Variants in C2CD2 observed in about 807,000 individuals in gnomAD.
C2CD2 encodes C2 calcium dependent domain containing 2.
C2CD2 carries 43 observed loss-of-function variants against 74.3 expected under a neutral mutation model. The ratio of observed to expected loss-of-function variants is 0.58; its 90% CI spans 0.45 to 0.75. The LOEUF is 0.75. Among genes scored for constraint, C2CD2 ranks in the 30% least tolerant of loss-of-function variants. The pLI, the probability that C2CD2 is intolerant of heterozygous loss-of-function variation, is 0.00. For synonymous variants in C2CD2, 422 were observed against 390.7 expected, an observed-to-expected ratio of 1.08 and a Z score of -0.94; for missense variants, 801 against 916.3, an observed-to-expected ratio of 0.87 and a Z score of 1.63.
At position 41,918,168 on chromosome 21, in the gene C2CD2, C is replaced by G; in HGVS notation, c.657G>C (p.Leu219Phe). The G allele has an allele frequency of 1.2e-6, 2 of 1,614,134 alleles. No homozygotes were observed. The highest frequency in any genetic ancestry group is 1.7e-6 in the Non-Finnish European group (2 of 1,179,998). The stretch of plus-strand genomic sequence containing the variant: ...CCACTGATGGAGAGGCAGAACCAGC[C>G]AAATGCTTCAAGATGTCCTTGAGAA... ...SDVLKDILKH[L>F]AGSASPSVVL... The change falls in exon 5 of 14, where the codon TTG becomes TTC. Residue 219 changes from leucine to phenylalanine, a missense_variant. Coordinates refer to ENST00000380486, the MANE Select transcript of C2CD2 (RefSeq NM_015500.2).
intron 6 of C2CD2, among the ~76,000 whole-genome samples, chr21:41,913,782 G>A (rs1284272273): frequency 6.6e-6 from 1 of 152,154 alleles, no homozygotes; most frequent in African/African-American, 2.4e-5. Flanking sequence ...GCCCTGTCCC[G>A]AGTGACTCTG....
intron 1 of C2CD2, among the ~76,000 whole-genome samples, chr21:41,952,452 G>A (rs1346106066): frequency 6.6e-6 from 1 of 152,254 alleles, no homozygotes; most frequent in Non-Finnish European, 1.5e-5. Context: ...GCACAGGCAT[G>A]TGCAGGAAAC....
chr21:41,916,965 G>T (rs1029527670), intron 5 of C2CD2, among the ~76,000 whole-genome samples: 1 of 152,170 alleles, frequency 6.6e-6, no homozygotes, highest in African/African-American at 2.4e-5. Context: ...TACTGAAAGG[G>T]ACAGCGCTGG....
At chr21:41,950,777 A>G (rs979507257) in intron 1 of C2CD2, among the ~76,000 whole-genome samples, 1 of 152,180 alleles carries the variant, frequency 6.6e-6, no homozygotes, top group Non-Finnish European at 1.5e-5. Flanking sequence ...CTTAAAATAC[A>G]AAGGTGGGGT....
At position 41,945,423 on chromosome 21, in the gene C2CD2, C is replaced by A. The variant is rs2065390272; in HGVS notation, c.280-3178G>T. Among the ~76,000 whole-genome samples, 3 of 151,634 alleles carry A rather than the reference C, an allele frequency of 2.0e-5. No homozygotes were observed. Among genetic ancestry groups the A allele is most frequent in the African/African-American group, 7.3e-5 (3 of 41,156 alleles). ...ACTTCTCCAATAAAAGGAATCAGGG[C>A]TGCTTGAAGAAGTGGCTGAATCCAG... is the stretch of plus-strand genomic sequence containing the variant. On this transcript the variant is annotated intron_variant, in intron 1 of 13. Coordinates refer to ENST00000380486, the MANE Select transcript of C2CD2 (RefSeq NM_015500.2). This position sits in a 1 kb window ranked among gnomAD's most constrained non-coding sequence, Gnocchi z 4.2.
chr21:41,947,102 C>CT (rs2065403681), intron 1 of C2CD2, among the ~76,000 whole-genome samples: 3 of 149,840 alleles, frequency 2.0e-5, no homozygotes, highest in African/African-American at 4.9e-5. Flanking sequence ...TTCTTTCTTT[C>CT]CTTTCTCTTT....
intron 2 of C2CD2, among the ~76,000 whole-genome samples, chr21:41,933,501 T>C (rs12482500): frequency 0.23 from 34,495 of 152,214 alleles, 4,213 homozygotes; most frequent in Middle Eastern, 0.34. Context: ...CATTAAGCAG[T>C]GTCTCACCCT....
At chr21:41,914,806 G>T in intron 5 of C2CD2, 85 bp from the exon 6 acceptor site, 1 of 1,243,078 alleles carries the variant, frequency 8.0e-7, no homozygotes, top group Non-Finnish European at 1.1e-6. Context: ...CTGTTATGGG[G>T]GGTGGTGGCA....
rs946036532 is a variant in C2CD2 at position 41,924,604 on chromosome 21, T to G, written c.379-2519A>C. Among the ~76,000 whole-genome samples the G allele has an allele frequency of 6.6e-6, 1 of 152,226 alleles. No individual in the cohort carries two copies. The highest frequency in any genetic ancestry group is 1.5e-5 in the Non-Finnish European group (1 of 68,050). Reference sequence around the variant, plus strand: ...GTCCTTTACGGAGGAACATGCTTTGTGGCCAGATGAGTTACACGCACCAAT... The same window carrying G: ...GTCCTTTACGGAGGAACATGCTTTGGGGCCAGATGAGTTACACGCACCAAT... On this transcript the variant is annotated intron_variant, in intron 2 of 13. Transcript: ENST00000380486. This position sits in a 1 kb window ranked among gnomAD's most constrained non-coding sequence, Gnocchi z 4.4.
chr21:41,918,383 G>A (rs575360516), intron 4 of C2CD2, among the ~76,000 whole-genome samples, 156 bp from the exon 5 acceptor site: 2 of 152,202 alleles, frequency 1.3e-5, no homozygotes, highest in East Asian at 3.9e-4. Flanking sequence ...GGAAAGAAAG[G>A]ACGCCCTGCC....
chr21:41,899,422 A>G lies in C2CD2; in HGVS notation c.1561-60T>C. The G allele has an allele frequency of 2.1e-6, 3 of 1,461,834 alleles. No homozygotes were observed. Among genetic ancestry groups the G allele is most frequent in the Non-Finnish European group, 2.8e-6 (3 of 1,068,704 alleles). The allele number at this position is 1,461,834 out of a possible 1,614,324, so 90.6% of individuals were successfully genotyped here. On this transcript the variant is annotated intron_variant, in intron 12 of 13. Coordinates refer to ENST00000380486, the MANE Select transcript of C2CD2 (RefSeq NM_015500.2). The surrounding 1 kb of genome is among the most constrained non-coding windows in gnomAD (Gnocchi z 4.4). The stretch of plus-strand genomic sequence containing the variant: ...CATGAAAGGAAGGGAGGGTTTGAAA[A>G]GAACTGAAAAGCACTCTCCAAAACA...
At position 41,889,525 on chromosome 21, in the gene C2CD2, G is replaced by T. The variant is rs62214729; in HGVS notation, c.1871-181C>A. On this transcript the variant is annotated intron_variant, in intron 13 of 13. Coordinates refer to ENST00000380486, the MANE Select transcript of C2CD2 (RefSeq NM_015500.2). ...AACTGGAATCTGGCTTGTACAAAAC[G>T]AGAGTTTTCAAGATGAAAAGGAAAC... is the stretch of plus-strand genomic sequence containing the variant. 0.12 allele frequency among the ~76,000 whole-genome samples: 18,599 copies of T among 152,178 alleles called. 1,332 individuals are homozygous for T. Among genetic ancestry groups the T allele is most frequent in the Middle Eastern group, 0.19 (55 of 294 alleles).
intron 13 of C2CD2, among the ~76,000 whole-genome samples, chr21:41,893,950 C>T (rs1239591654): frequency 3.3e-5 from 5 of 152,208 alleles, no homozygotes; most frequent in South Asian, 2.1e-4. Context: ...CCGCCCACCT[C>T]GGCCTCCCAA....
At chr21:41,898,170 C>G (rs2064846220) in intron 13 of C2CD2, among the ~76,000 whole-genome samples, 1 of 152,230 alleles carries the variant, frequency 6.6e-6, no homozygotes, top group African/African-American at 2.4e-5. Flanking sequence ...CTTGGAGCCC[C>G]ACACAAGAGC....
intron 1 of C2CD2, among the ~76,000 whole-genome samples, chr21:41,948,141 T>C (rs999111677): frequency 2.0e-5 from 3 of 152,234 alleles, no homozygotes; most frequent in Non-Finnish European, 4.4e-5. Context: ...ACAAAGCACA[T>C]TAAACAGCTT....
chr21:41,916,701 ACACACT>A lies in C2CD2; in HGVS notation c.720+1398_720+1403del, dbSNP rs1273683687. 3.8e-5 allele frequency among the ~76,000 whole-genome samples: 5 copies of A among 133,078 alleles called. No individual in the cohort carries two copies. In the East Asian group the frequency reaches 8.4e-4, roughly 22 times the overall value. 87.3% of individuals were successfully genotyped at this position (133,078 alleles called of 152,430 possible). ...CACACACACACACACACACACACAC[ACACACT>A]CCCATTGGTTCTGTTTCTCTGGAAA... On this transcript the variant is annotated intron_variant, in intron 5 of 13. Transcript: ENST00000380486.
At chr21:41,920,103 C>T (rs1197793364) in intron 3 of C2CD2, among the ~76,000 whole-genome samples, 1 of 152,186 alleles carries the variant, frequency 6.6e-6, no homozygotes, top group African/African-American at 2.4e-5. Context: ...GGAACTCAGT[C>T]CCGTAATCCC....
intron 8 of C2CD2, chr21:41,908,078 T>G: frequency 2.5e-6 from 1 of 400,672 alleles, no homozygotes; most frequent in East Asian, 5.8e-5. Context: ...GGTCGTCCAG[T>G]GACAAAAACT....
chr21:41,887,128 G>A lies in C2CD2; in HGVS notation c.*1996C>T, dbSNP rs1158384258. On this transcript the variant is annotated 3_prime_UTR_variant, in exon 14 of 14. Coordinates refer to ENST00000380486, the MANE Select transcript of C2CD2 (RefSeq NM_015500.2). ...ATATCCTCTTGGAATTCTTAAATAT[G>A]TCTCAGCCTCTTTTTACCACATGGC... 2.6e-5 allele frequency: 4 copies of A among 152,148 alleles called. No homozygotes were observed. Among genetic ancestry groups the A allele is most frequent in the African/African-American group, 9.7e-5 (4 of 41,412 alleles). 9.4% of individuals were successfully genotyped at this position (152,148 alleles called of 1,614,324 possible). A position where few individuals can be genotyped will look rare whatever the true frequency, so the allele number is the denominator to read the frequency against.
Sources: gnomAD v4.1 joint callset for allele counts (sites outside exome capture counted in the v4.1 genomes callset) on GRCh38, gnomAD v4.1.1 for gene constraint, Gnocchi (gnomAD v3.1) non-coding constraint, MANE v1.5 for transcripts, NCBI Gene and HGNC (gene_info 2026-07-23, HGNC 2026-07-21) for gene names.